SPTBN4: variants seen among roughly 807,000 people sequenced by gnomAD.
SPTBN4 encodes spectrin beta chain, non-erythrocytic 4.
Under a neutral mutation model 277.8 loss-of-function variants are expected in SPTBN4, and 96 were observed. The ratio of observed to expected loss-of-function variants is 0.35; its 90% CI spans 0.29 to 0.41. The LOEUF (loss-of-function observed/expected upper bound fraction) is 0.41. Among genes scored for constraint, SPTBN4 ranks in the 10% least tolerant of loss-of-function variants. The pLI is 1.00. For synonymous variants in SPTBN4, 1,481 were observed against 1,580.3 expected (o/e 0.94, Z 1.49); for missense variants, 3,006 against 3,595.7 (o/e 0.84, Z 4.19).
At chr19:40,513,591 C>G in intron 14 of SPTBN4, 37 bp downstream of exon 14, 1 of 1,486,044 alleles carries the variant, frequency 6.7e-7, no homozygotes, top group East Asian at 2.6e-5. Flanking sequence ...GGTCCCCTTC[C>G]TCATGCACCC....
chr19:40,560,321 C>A lies in SPTBN4; in HGVS notation c.5833C>A (p.Leu1945Met), dbSNP rs138612519. Residue 1945 changes from leucine (L) to methionine (M), a missense_variant, in exon 27 of 36, where the codon CTG (leucine) becomes ATG (methionine). Physicochemically the swap from Leu to Met is conservative, Grantham distance 15 (BLOSUM62 2). Transcript: ENST00000598249. The surrounding 1 kb of genome is among the most constrained non-coding windows in gnomAD (Gnocchi z 5.2). ...RLHVSSTADA[L>M]RFHSQVRDLL... ...GCATGTCAGCTCCACAGCCGACGCC[C>A]TGCGCTTCCACAGCCAAGTCCGCGA... 54 of 1,614,136 alleles carry A rather than the reference C, an allele frequency of 3.3e-5. 1 individual carries two copies. In the African/African-American group the frequency reaches 5.2e-4, roughly 16 times the overall value.
At chr19:40,567,593 TC>T in intron 30 of SPTBN4, 69 bp from the exon 31 acceptor site, 4 of 1,368,928 alleles carry the variant, frequency 2.9e-6, no homozygotes, top group Non-Finnish European at 3.8e-6. Context: ...CCAGGCCGCC[TC>T]CCCGGACCTC....
chr19:40,575,142 C>T (rs1392756249), intron 35 of SPTBN4, among the ~76,000 whole-genome samples: 1 of 151,900 alleles, frequency 6.6e-6, no homozygotes, highest in Non-Finnish European at 1.5e-5. Context: ...TCTAGTAGTG[C>T]CTGCCCATAT....
intron 2 of SPTBN4, 96 bp from the exon 3 acceptor site, chr19:40,487,601 G>C: frequency 6.9e-7 from 1 of 1,450,448 alleles, no homozygotes; most frequent in South Asian, 1.4e-5. Context: ...TGTGAGGCTG[G>C]ACTCTTGCAG....
chr19:40,556,900 C>A, intron 25 of SPTBN4, 123 bp from the exon 26 acceptor site: 1 of 1,298,966 alleles, frequency 7.7e-7, no homozygotes, highest in Non-Finnish European at 1.0e-6. Flanking sequence ...TGCACGCCAA[C>A]CTGGGCGACA....
chr19:40,468,385 TTG>T (rs891547729), intron 1 of SPTBN4, among the ~76,000 whole-genome samples: 1 of 151,984 alleles, frequency 6.6e-6, no homozygotes, highest in African/African-American at 2.4e-5. Flanking sequence ...GCCTACCCTT[TTG>T]TGTGTGTGTG....
intron 18 of SPTBN4, chr19:40,530,518 G>C (rs1206319850): frequency 1.0e-6 from 1 of 980,278 alleles, no homozygotes; most frequent in Non-Finnish European, 1.2e-6. Flanking sequence ...CGCTGCCGCT[G>C]CCGTCGCAGT....
At chr19:40,528,696 C>A (rs1435916435) in intron 17 of SPTBN4, among the ~76,000 whole-genome samples, 1 of 152,076 alleles carries the variant, frequency 6.6e-6, no homozygotes, top group Admixed American at 6.6e-5. Flanking sequence ...TGTCTCCTCT[C>A]ACTTTCTCGT....
intron 16 of SPTBN4, among the ~76,000 whole-genome samples, chr19:40,521,159 A>G (rs1162488210): frequency 6.6e-6 from 1 of 152,038 alleles, no homozygotes; most frequent in African/African-American, 2.4e-5. Context: ...TCTTGACCTC[A>G]TGATCCGCCT....
intron 25 of SPTBN4, 126 bp from the exon 26 acceptor site, chr19:40,556,897 C>T (rs1263419518): frequency 2.3e-6 from 3 of 1,284,668 alleles, no homozygotes; most frequent in African/African-American, 3.1e-5. Flanking sequence ...CACTGCACGC[C>T]AACCTGGGCG....
Position 40,518,178 on chromosome 19 carries a change from C to T in SPTBN4, c.2904-1223C>T, listed in dbSNP as rs192911610. 6.3e-3 allele frequency among the ~76,000 whole-genome samples: 965 copies of T among 152,050 alleles called. 8 individuals carry two copies. Among genetic ancestry groups the T allele is most frequent in the African/African-American group, 0.022 (893 of 41,494 alleles). On this transcript the variant is annotated intron_variant, in intron 15 of 35. Coordinates refer to ENST00000598249, the MANE Select transcript of SPTBN4 (RefSeq NM_020971.3). ...AAAACTAGCCGGGTGTGGTGGTGCA[C>T]GCCTGTAATCCCAGCTACTTGGGAG...
At chr19:40,533,102 G>C (rs1201920120) in intron 19 of SPTBN4, among the ~76,000 whole-genome samples, 1 of 152,128 alleles carries the variant, frequency 6.6e-6, no homozygotes, top group African/African-American at 2.4e-5. Flanking sequence ...AGGTTGGGGA[G>C]ATGGGCTGGG....
At position 40,570,665 on chromosome 19, in the gene SPTBN4, T is replaced by A; in HGVS notation, c.7256T>A (p.Val2419Glu). The A allele has an allele frequency of 6.3e-7, 1 of 1,599,764 alleles. No homozygotes were observed. ...CCTCCGCCACCGCCCACTCACACAG[T>A]GCAGCACGAGGGCTTCCTACTGCGC... ...PAPPPPPTHT[V>E]QHEGFLLRKR... Residue 2419 changes from valine (V) to glutamate (E), a missense_variant, in exon 33 of 36, where the codon GTG becomes GAG. Physicochemically the swap from Val to Glu is moderately radical, Grantham distance 121 (BLOSUM62 -2). Transcript: ENST00000598249.
At chr19:40,500,769 C>T (rs568447854) in intron 7 of SPTBN4, among the ~76,000 whole-genome samples, 1 of 151,936 alleles carries the variant, frequency 6.6e-6, no homozygotes, top group African/African-American at 2.4e-5. Context: ...ATTGCTTGAA[C>T]CTGGGAGGCA....
intron 20 of SPTBN4, among the ~76,000 whole-genome samples, chr19:40,535,077 A>G (rs1045573148): frequency 3.9e-5 from 6 of 151,974 alleles, no homozygotes; most frequent in Admixed American, 1.3e-4. Flanking sequence ...TTTCTTCAAG[A>G]TAGTTACTCA....
In SPTBN4 at chr19:40,565,473, C is replaced by G. The variant is rs147425355; in HGVS notation, c.5966C>G (p.Thr1989Ser). ...ATGAACTACCACCAGGGCCTGAAGACTGAGCTGGAGGCGCGGGTGCCTGAG... is the reference window on the plus strand; with the variant it reads ...ATGAACTACCACCAGGGCCTGAAGAGTGAGCTGGAGGCGCGGGTGCCTGAG... ...VLMNYHQGLKTELEARVPELT... is the reference protein window; with the variant it reads ...VLMNYHQGLKSELEARVPELT... The change falls in exon 28 of 36, where the codon ACT becomes AGT. Residue 1989 changes from threonine to serine, a missense_variant. By Grantham distance (58) the Thr-to-Ser change is moderately conservative. This residue lies in a region of SPTBN4 where 425 missense variants were observed against 594.7 expected (regional missense o/e 0.71). Coordinates refer to ENST00000598249, the MANE Select transcript of SPTBN4 (RefSeq NM_020971.3). The G allele has an allele frequency of 3.7e-6, 6 of 1,614,162 alleles. No homozygotes were observed. In the African/African-American group the frequency reaches 4.0e-5, roughly 11 times the overall value.
rs2079984295 is a variant in SPTBN4, at chr19:40,479,406, A to T, written c.169+6616A>T. Among the ~76,000 whole-genome samples, 5 of 151,900 alleles carry T rather than the reference A, an allele frequency of 3.3e-5. No individual in the cohort carries two copies. The South Asian group carries it at 1.0e-3, about 32-fold the overall frequency. On this transcript the variant is annotated intron_variant, in intron 2 of 35. Coordinates refer to ENST00000598249, the MANE Select transcript of SPTBN4 (RefSeq NM_020971.3). ...ATTGATCTGTGTGACGCCTCTCTCC[A>T]ATTCTCTTTTATTCCCAAATCTCAA... is the stretch of plus-strand genomic sequence containing the variant.
rs369871143 is a variant in SPTBN4, at chr19:40,470,622, T to TTTC, written c.-15-1967_-15-1965dup. ...GTGCCTGCCCCCTCCACTTTAAATT[T>TTTC]TTCTTCTTCTTCTTCTTCTTTTTTT... On this transcript the variant is annotated intron_variant, in intron 1 of 35. Transcript: ENST00000598249. 9.5e-4 allele frequency among the ~76,000 whole-genome samples: 142 copies of TTTC among 149,874 alleles called. No homozygotes were observed. In the East Asian group the frequency reaches 0.018, roughly 19 times the overall value.
In SPTBN4 at chr19:40,560,364, A is replaced by G; in HGVS notation, c.5876A>G (p.Asp1959Gly). ...GTCCGCGACCTGCTCTCCTGGATGG[A>G]TGGCATCGCCAGCCAGATTGGGGCA... The part of the protein sequence containing the change: ...SQVRDLLSWM[D>G]GIASQIGAAD... Residue 1959 changes from aspartate to glycine, a missense_variant, in exon 27 of 36, where the codon GAT becomes GGT. Coordinates refer to ENST00000598249, the MANE Select transcript of SPTBN4 (RefSeq NM_020971.3). This position sits in a 1 kb window ranked among gnomAD's most constrained non-coding sequence, Gnocchi z 5.2. The G allele has an allele frequency of 3.1e-6, 5 of 1,613,990 alleles. No homozygotes were observed. The highest frequency in any genetic ancestry group is 4.2e-6 in the Non-Finnish European group (5 of 1,180,024).
Sources: allele counts gnomAD v4.1 joint callset (sites outside exome capture counted in the v4.1 genomes callset), GRCh38; gene constraint gnomAD v4.1.1; regional missense constraint gnomAD v4.1.1; non-coding constraint Gnocchi (gnomAD v3.1); transcripts MANE v1.5; gene names NCBI Gene and HGNC (gene_info 2026-07-23, HGNC 2026-07-21).